The following TNFAIP8 variants were observed in gnomAD, a reference collection of about 807,000 sequenced individuals.
The protein encoded by TNFAIP8 is TNF alpha induced protein 8.
TNFAIP8 carries 7 observed loss-of-function variants against 13.3 expected under a neutral mutation model. The ratio of observed to expected loss-of-function variants is 0.52; its 90% CI spans 0.30 to 0.99. The LOEUF (loss-of-function observed/expected upper bound fraction) is 0.99. TNFAIP8 is among the 50% of genes least tolerant of loss of function. TNFAIP8 has a pLI of 0.07. For missense variants in TNFAIP8, 258 were observed against 236.9 expected, an observed-to-expected ratio of 1.09 and a Z score of -0.58; for synonymous variants, 94 against 87.6, an observed-to-expected ratio of 1.07 and a Z score of -0.41.
chr5:119,330,394 G>C lies in TNFAIP8; in HGVS notation c.1+61487G>C, dbSNP rs1448344694. ...TCATCACTCTTTTGATGATTTTGTT[G>C]AATGTGCTTCTGATAAGGATGTGGG... is the stretch of plus-strand genomic sequence containing the variant. On this transcript the variant is annotated intron_variant, in intron 1 of 1. Coordinates refer to the TNFAIP8 transcript ENST00000274456. 2.0e-5 allele frequency among the ~76,000 whole-genome samples: 3 copies of C among 152,264 alleles called. No individual in the cohort carries two copies. In the South Asian group the frequency reaches 6.2e-4, roughly 32 times the overall value.
intron 1 of TNFAIP8, among the ~76,000 whole-genome samples, chr5:119,313,295 A>G (rs1393711786): frequency 6.6e-6 from 1 of 152,242 alleles, no homozygotes; most frequent in Non-Finnish European, 1.5e-5. Context: ...GAAATCTGCC[A>G]CAAGCTCAAA....
rs968292210 is a variant in TNFAIP8, at chr5:119,397,715, A to T, written c.*4334A>T. On this transcript the variant is annotated 3_prime_UTR_variant, in exon 2 of 2. Transcript: ENST00000504771. Reference sequence around the variant, plus strand: ...GAGTCAGCTTTTTGTTTCCAAAATGATGCAACAGGAAAACCTTTAACTACT... The same window carrying T: ...GAGTCAGCTTTTTGTTTCCAAAATGTTGCAACAGGAAAACCTTTAACTACT... The T allele has an allele frequency of 6.6e-6, 1 of 152,234 alleles. No homozygotes were observed. The highest frequency in any genetic ancestry group is 2.4e-5 in the African/African-American group (1 of 41,466). The allele number at this position is 152,234 out of a possible 1,614,324, so 9.4% of individuals were successfully genotyped here.
chr5:119,361,187 G>A (rs1376362039), intron 1 of TNFAIP8, among the ~76,000 whole-genome samples: 1 of 152,240 alleles, frequency 6.6e-6, no homozygotes, highest in East Asian at 1.9e-4. Flanking sequence ...CACTCTGGGA[G>A]TCAGGACACC....
intron 1 of TNFAIP8, among the ~76,000 whole-genome samples, chr5:119,311,197 A>T (rs1338827473): frequency 6.6e-6 from 1 of 151,786 alleles, no homozygotes; most frequent in African/African-American, 2.4e-5. Context: ...TAATTTTTAA[A>T]ATTTTTCATA....
chr5:119,335,076 G>A (rs535044266), intron 1 of TNFAIP8, among the ~76,000 whole-genome samples: 25 of 152,234 alleles, frequency 1.6e-4, no homozygotes, highest in African/African-American at 5.5e-4. Context: ...GCTGAGAACC[G>A]TAGTGGCAGA....
intron 1 of TNFAIP8, among the ~76,000 whole-genome samples, chr5:119,281,804 A>T: frequency 6.6e-6 from 1 of 152,328 alleles, no homozygotes; most frequent in Admixed American, 6.5e-5. Flanking sequence ...TTTTGATTGA[A>T]GCTCTTTCTC....
chr5:119,351,680 T>A (rs6869512), upstream of TNFAIP8, among the ~76,000 whole-genome samples: 3 of 152,010 alleles, frequency 2.0e-5, no homozygotes, highest in African/African-American at 7.3e-5. Context: ...CAGAGCTTGA[T>A]CTTCTGCAAA....
intron 1 of TNFAIP8, among the ~76,000 whole-genome samples, chr5:119,359,747 C>T (rs1353277450): frequency 1.3e-5 from 2 of 152,206 alleles, no homozygotes; most frequent in African/African-American, 4.8e-5. Context: ...TCCTGCCCTT[C>T]CCCAGCCTTT....
chr5:119,398,086 T>G lies in TNFAIP8; in HGVS notation c.*4705T>G, dbSNP rs374295453. On this transcript the variant is annotated 3_prime_UTR_variant, in exon 2 of 2. Coordinates refer to ENST00000504771, the MANE Select transcript of TNFAIP8 (RefSeq NM_014350.4). The stretch of plus-strand genomic sequence containing the variant: ...GAAAATGTTCTTCAAGGATAGAGAA[T>G]TGTGCCCTATGTCCACCAAATTTGC... 153 of 152,338 alleles carry G rather than the reference T, an allele frequency of 1.0e-3. No individual in the cohort carries two copies. The highest frequency in any genetic ancestry group is 3.6e-3 in the African/African-American group (151 of 41,570). The allele number at this position is 152,338 out of a possible 1,614,324, so 9.4% of individuals were successfully genotyped here. A position where few individuals can be genotyped will look rare whatever the true frequency, so the allele number is the denominator to read the frequency against.
intron 1 of TNFAIP8, among the ~76,000 whole-genome samples, chr5:119,372,167 A>G (rs953678472): frequency 4.0e-5 from 6 of 151,660 alleles, no homozygotes; most frequent in African/African-American, 1.5e-4. Flanking sequence ...TCCACAAAAA[A>G]AATTATTTTT....
intron 1 of TNFAIP8, among the ~76,000 whole-genome samples, chr5:119,348,092 C>T (rs952475140): frequency 6.6e-6 from 1 of 152,212 alleles, no homozygotes; most frequent in Non-Finnish European, 1.5e-5. Context: ...GCCCCTTACT[C>T]AACCTGTCTT....
At chr5:119,372,597 A>C (rs1174316970) in intron 1 of TNFAIP8, among the ~76,000 whole-genome samples, 2 of 152,220 alleles carry the variant, frequency 1.3e-5, no homozygotes, top group Non-Finnish European at 2.9e-5. Context: ...GTCTTTTAGA[A>C]AAAGTAGCCC....
rs1300519369 is a variant in TNFAIP8, at chr5:119,397,681, C to G, written c.*4300C>G. 2 of 152,176 alleles carry G rather than the reference C, an allele frequency of 1.3e-5. No homozygotes were observed. Among genetic ancestry groups the G allele is most frequent in the African/African-American group, 4.8e-5 (2 of 41,432 alleles). The allele number at this position is 152,176 out of a possible 1,614,324, so 9.4% of individuals were successfully genotyped here. On this transcript the variant is annotated 3_prime_UTR_variant, in exon 2 of 2. Transcript: ENST00000504771. The stretch of plus-strand genomic sequence containing the variant: ...CCTAATGAAAATATTGAAGCATTAA[C>G]CAGAAAATGAGTCAGCTTTTTGTTT...
At chr5:119,321,989 C>G (rs1210829025) in intron 1 of TNFAIP8, among the ~76,000 whole-genome samples, 1 of 152,166 alleles carries the variant, frequency 6.6e-6, no homozygotes, top group Admixed American at 6.5e-5. Context: ...CCTCAAACTT[C>G]CCAAGCTCTT....
intron 1 of TNFAIP8, among the ~76,000 whole-genome samples, chr5:119,285,925 A>G (rs1025186269): frequency 1.3e-5 from 2 of 152,186 alleles, no homozygotes; most frequent in African/African-American, 2.4e-5. Flanking sequence ...TGATCTCATT[A>G]TGTGTAAAAA....
chr5:119,287,935 C>G (rs1241253226), intron 1 of TNFAIP8, among the ~76,000 whole-genome samples: 2 of 152,158 alleles, frequency 1.3e-5, no homozygotes, highest in Non-Finnish European at 2.9e-5. Context: ...GGCATCTTAT[C>G]TCAGTTGGTC....
Position 119,361,070 on chromosome 5 carries a change from G to A in TNFAIP8, c.31+4949G>A, listed in dbSNP as rs188711577. On this transcript the variant is annotated intron_variant, in intron 1 of 1. Transcript: ENST00000504771. Reference sequence around the variant, plus strand: ...TCTTCCTTGGGGAGAAGGTATGTATGTGTGTGGGTGGGAAGGGAGTCAGCA... The same window carrying A: ...TCTTCCTTGGGGAGAAGGTATGTATATGTGTGGGTGGGAAGGGAGTCAGCA... Among the ~76,000 whole-genome samples the A allele has an allele frequency of 2.4e-3, 366 of 152,336 alleles. 2 individuals carry two copies. The highest frequency in any genetic ancestry group is 0.017 in the South Asian group (82 of 4,828).
intron 1 of TNFAIP8, among the ~76,000 whole-genome samples, chr5:119,374,707 C>T (rs1281279308): frequency 2.6e-5 from 4 of 152,132 alleles, no homozygotes; most frequent in African/African-American, 9.7e-5. Flanking sequence ...AGGGCATATG[C>T]CTACGGGAGC....
At chr5:119,302,289 A>G (rs1749420128) in intron 1 of TNFAIP8, among the ~76,000 whole-genome samples, 1 of 152,242 alleles carries the variant, frequency 6.6e-6, no homozygotes, top group African/African-American at 2.4e-5. Context: ...GACAACCTCA[A>G]GAAACTTACA....
Sources: gnomAD v4.1 joint callset for allele counts (sites outside exome capture counted in the v4.1 genomes callset) on GRCh38, gnomAD v4.1.1 for gene constraint, MANE v1.5 for transcripts, NCBI Gene and HGNC (gene_info 2026-07-23, HGNC 2026-07-21) for gene names.